Variants in SUCLG2 observed in about 807,000 individuals in gnomAD.
SUCLG2 encodes the protein succinate--CoA ligase [GDP-forming] subunit beta, mitochondrial.
Under a neutral mutation model 47.9 loss-of-function variants are expected in SUCLG2, and 42 were observed. The observed-to-expected ratio is 0.88, with a 90% CI of 0.69 to 1.14. The LOEUF (loss-of-function observed/expected upper bound fraction) is 1.14. Among genes scored for constraint, SUCLG2 ranks in the 50% most tolerant of loss-of-function variants. The pLI is 0.00. For synonymous variants in SUCLG2, 195 were observed against 197.3 expected (o/e 0.99, Z 0.10); for missense variants, 571 against 525.9 (o/e 1.09, Z -0.84).
At chr3:67,400,947 G>A in intron 9 of SUCLG2, 96 bp from the exon 10 acceptor site, 1 of 1,533,064 alleles carries the variant, frequency 6.5e-7, no homozygotes, top group Non-Finnish European at 8.8e-7. Context: ...AAATAAGACT[G>A]CTCGTTTTTT....
At chr3:67,616,672 C>A (rs1383493390) in intron 1 of SUCLG2, among the ~76,000 whole-genome samples, 3 of 152,084 alleles carry the variant, frequency 2.0e-5, no homozygotes, top group Non-Finnish European at 2.9e-5. Context: ...AATGGTGTAG[C>A]CTTAAGTCTC....
Position 67,562,122 on chromosome 3 carries a change from G to C in SUCLG2, c.227-32936C>G, listed in dbSNP as rs532812003. ...CTGTAAATACTTAAAGACATCAATT[G>C]ACCATTCATCCCCCCTTCCCTTAGG... On this transcript the variant is annotated intron_variant, in intron 2 of 10. Coordinates refer to ENST00000307227, the MANE Select transcript of SUCLG2 (RefSeq NM_003848.4). Among the ~76,000 whole-genome samples the C allele has an allele frequency of 6.6e-5, 10 of 152,194 alleles. No homozygotes were observed. In the East Asian group the frequency reaches 1.7e-3, roughly 27 times the overall value.
intron 10 of SUCLG2, among the ~76,000 whole-genome samples, chr3:67,367,871 G>T (rs1575651621): frequency 6.6e-6 from 1 of 152,002 alleles, no homozygotes; most frequent in East Asian, 1.9e-4. Flanking sequence ...CAAGTATCTA[G>T]CTATAAGATA....
chr3:67,393,279 G>T (rs1180059131), intron 10 of SUCLG2, among the ~76,000 whole-genome samples: 1 of 152,244 alleles, frequency 6.6e-6, no homozygotes, highest in Non-Finnish European at 1.5e-5. Flanking sequence ...AAAGAAAGGG[G>T]TGACAGATGG....
intron 1 of SUCLG2, among the ~76,000 whole-genome samples, chr3:67,650,909 A>G (rs1323705666): frequency 6.6e-6 from 1 of 152,208 alleles, no homozygotes; most frequent in African/African-American, 2.4e-5. Flanking sequence ...CAGTGCCCTC[A>G]GCCAACATTT....
intron 9 of SUCLG2, among the ~76,000 whole-genome samples, chr3:67,422,585 C>A (rs1248680726): frequency 1.3e-5 from 2 of 149,850 alleles, no homozygotes; most frequent in Admixed American, 1.3e-4. Flanking sequence ...AATCTGTGAC[C>A]AGAAAGTCAT....
intron 2 of SUCLG2, among the ~76,000 whole-genome samples, chr3:67,587,074 T>C (rs1269164119): frequency 6.6e-6 from 1 of 152,174 alleles, no homozygotes; most frequent in Non-Finnish European, 1.5e-5. Flanking sequence ...AGTCACCACA[T>C]CCATTCATTT....
At chr3:67,633,454 T>A (rs1192058993) in intron 1 of SUCLG2, among the ~76,000 whole-genome samples, 1 of 152,144 alleles carries the variant, frequency 6.6e-6, no homozygotes, top group Non-Finnish European at 1.5e-5. Context: ...AAACCAAAAG[T>A]CAGAGTTATT....
intron 9 of SUCLG2, among the ~76,000 whole-genome samples, chr3:67,473,396 T>G (rs982598069): frequency 2.0e-5 from 3 of 152,050 alleles, no homozygotes; most frequent in Non-Finnish European, 4.4e-5. Context: ...AGGAAATAAA[T>G]CCCTCAGACA....
chr3:67,502,803 T>C (rs1285183414), intron 7 of SUCLG2, among the ~76,000 whole-genome samples: 3 of 152,212 alleles, frequency 2.0e-5, no homozygotes, highest in Non-Finnish European at 4.4e-5. Flanking sequence ...TAAAAAGCCA[T>C]CTTCTGAATG....
chr3:67,372,963 C>T (rs779102850), downstream of SUCLG2, among the ~76,000 whole-genome samples: 3 of 152,124 alleles, frequency 2.0e-5, no homozygotes, highest in Non-Finnish European at 4.4e-5. Flanking sequence ...ACAACATGCA[C>T]ACAAATGGGT....
At chr3:67,594,670 CAT>C (rs555750474) in intron 2 of SUCLG2, among the ~76,000 whole-genome samples, 19 of 152,286 alleles carry the variant, frequency 1.2e-4, no homozygotes, top group South Asian at 1.2e-3. Context: ...CTATTTTCTG[CAT>C]ATGTTAGTGG....
intron 9 of SUCLG2, among the ~76,000 whole-genome samples, chr3:67,468,834 C>G (rs1362462255): frequency 6.6e-6 from 1 of 152,118 alleles, no homozygotes; most frequent in Non-Finnish European, 1.5e-5. Flanking sequence ...ATTAAGGAAG[C>G]AATGGATAAC....
downstream of SUCLG2, among the ~76,000 whole-genome samples, chr3:67,373,883 C>A (rs544898552): frequency 1.3e-5 from 2 of 152,198 alleles, no homozygotes; most frequent in Admixed American, 6.5e-5. Context: ...AGACAAGCTA[C>A]GCTAAGGATG....
At chr3:67,467,503 G>A (rs754770170) in intron 9 of SUCLG2, among the ~76,000 whole-genome samples, 3 of 152,092 alleles carry the variant, frequency 2.0e-5, no homozygotes, top group Non-Finnish European at 2.9e-5. Flanking sequence ...TTTTCAAATA[G>A]GGTTTTAGTA....
chr3:67,434,008 AC>A (rs1247570138), intron 9 of SUCLG2, among the ~76,000 whole-genome samples: 1 of 152,216 alleles, frequency 6.6e-6, no homozygotes, highest in African/African-American at 2.4e-5. Context: ...CCAAGAGGCC[AC>A]CACACATACA....
At chr3:67,526,965 T>C (rs188041917) in intron 4 of SUCLG2, among the ~76,000 whole-genome samples, 60 of 152,320 alleles carry the variant, frequency 3.9e-4, no homozygotes, top group Admixed American at 2.1e-3. Flanking sequence ...CAAACTGTGG[T>C]AGGTACATCC....
Position 67,407,766 on chromosome 3 carries a change from CT to C in SUCLG2, c.1063-6916del, listed in dbSNP as rs777039796. On this transcript the variant is annotated intron_variant, in intron 9 of 10. Coordinates refer to ENST00000307227, the MANE Select transcript of SUCLG2 (RefSeq NM_003848.4). ...ATGTTTATATTAGCCAAGATAAGGACTTTTTTAAAAAAATCACAGGTTATTT... is the reference window on the plus strand; with the variant it reads ...ATGTTTATATTAGCCAAGATAAGGACTTTTTAAAAAAATCACAGGTTATTT... Among the ~76,000 whole-genome samples the C allele has an allele frequency of 6.6e-4, 100 of 151,898 alleles. 1 individual carries two copies. The Middle Eastern group carries it at 0.014, about 21-fold the overall frequency.
chr3:67,456,734 AC>A (rs1377210156), intron 9 of SUCLG2, among the ~76,000 whole-genome samples: 1 of 152,222 alleles, frequency 6.6e-6, no homozygotes, highest in Non-Finnish European at 1.5e-5. Flanking sequence ...TAGCAAAAAT[AC>A]ATCACGGTAT....
Sources: gnomAD v4.1 joint callset for allele counts (sites outside exome capture counted in the v4.1 genomes callset) on GRCh38, gnomAD v4.1.1 for gene constraint, MANE v1.5 for transcripts, NCBI Gene and HGNC (gene_info 2026-07-23, HGNC 2026-07-21) for gene names.